The following NOL4 variants were observed in gnomAD, a reference collection of about 807,000 sequenced individuals.
NOL4 encodes nucleolar protein 4.
NOL4 carries 17 observed loss-of-function variants against 75.9 expected under a neutral mutation model. The ratio of observed to expected loss-of-function variants is 0.22; its 90% CI spans 0.15 to 0.34. NOL4 has a LOEUF of 0.34. NOL4 is among the 10% of genes least tolerant of loss of function. NOL4 has a pLI of 1.00. For synonymous variants in NOL4, 292 were observed against 289.9 expected, an observed-to-expected ratio of 1.01 and a Z score of -0.07; for missense variants, 614 against 793.5, an observed-to-expected ratio of 0.77 and a Z score of 2.72.
intron 6 of NOL4, among the ~76,000 whole-genome samples, chr18:34,017,511 A>G (rs943460723): frequency 6.6e-6 from 1 of 152,112 alleles, no homozygotes; most frequent in Non-Finnish European, 1.5e-5. Flanking sequence ...AGATGATATG[A>G]TATTATTAGC....
intron 5 of NOL4, among the ~76,000 whole-genome samples, chr18:34,036,617 G>A (rs753719123): frequency 1.2e-4 from 19 of 152,068 alleles, no homozygotes; most frequent in Admixed American, 3.3e-4. Flanking sequence ...AGGCAATGAG[G>A]CAATAGCAAT....
chr18:33,936,490 C>T (rs1404781838), intron 9 of NOL4, among the ~76,000 whole-genome samples: 1 of 150,440 alleles, frequency 6.6e-6, no homozygotes, highest in East Asian at 2.0e-4. Context: ...TTTATTACAC[C>T]ACAGGTAAGT....
chr18:34,076,934 A>T (rs1208656312), intron 5 of NOL4, among the ~76,000 whole-genome samples: 1 of 152,188 alleles, frequency 6.6e-6, no homozygotes, highest in Non-Finnish European at 1.5e-5. Flanking sequence ...TGATCTGCAC[A>T]CACATCTACA....
chr18:33,900,072 G>A (rs778867050), intron 9 of NOL4, among the ~76,000 whole-genome samples: 2 of 152,084 alleles, frequency 1.3e-5, no homozygotes, highest in African/African-American at 2.4e-5. Context: ...ATAAAGAAAT[G>A]CCTAAGTCTG....
At chr18:34,093,328 C>A in intron 5 of NOL4, 137 bp downstream of exon 5, 5 of 830,658 alleles carry the variant, frequency 6.0e-6, no homozygotes, top group Non-Finnish European at 9.1e-6. Flanking sequence ...AACCTAAATA[C>A]ATAGAGAAAA....
chr18:34,146,536 A>G (rs141566611), intron 1 of NOL4, among the ~76,000 whole-genome samples: 5,212 of 152,208 alleles, frequency 0.034, 93 homozygotes, highest in Middle Eastern at 0.048. Context: ...AGATGGTTGT[A>G]GATGCGTGGC....
At chr18:34,152,516 T>C (rs2081692078) in intron 1 of NOL4, among the ~76,000 whole-genome samples, 1 of 151,944 alleles carries the variant, frequency 6.6e-6, no homozygotes, top group Admixed American at 6.6e-5. Context: ...GATAATTTTG[T>C]TTGCAAAAAT....
rs1388667078 is a variant in NOL4, at chr18:34,222,212, C to T, written c.264+778G>A. 4.2e-6 allele frequency: 6 copies of T among 1,432,140 alleles called. No homozygotes were observed. The East Asian group carries it at 1.6e-4, about 39-fold the overall frequency. The allele number at this position is 1,432,140 out of a possible 1,614,324, so 88.7% of individuals were successfully genotyped here. On this transcript the variant is annotated intron_variant, in intron 1 of 10. Transcript: ENST00000261592. ...GGCGCCTGGGCTAGAGCTTTGTGGC[C>T]ATGAGACTAGAGCCACCCCAGAAAA...
At chr18:33,975,500 G>A (rs1462451305) in intron 6 of NOL4, among the ~76,000 whole-genome samples, 6 of 152,210 alleles carry the variant, frequency 3.9e-5, no homozygotes, top group African/African-American at 1.2e-4. Flanking sequence ...AAGGCCGGGT[G>A]CAGTGGCTCA....
intron 1 of NOL4, among the ~76,000 whole-genome samples, chr18:34,214,110 G>A (rs1600898980): frequency 6.6e-6 from 1 of 152,114 alleles, no homozygotes; most frequent in East Asian, 1.9e-4. Context: ...ATGACAGAAA[G>A]TATTTTAGCT....
In NOL4 at chr18:34,023,594, T is replaced by C. The variant is rs932404000; in HGVS notation, c.773-3993A>G. 12 of 392,402 alleles carry C rather than the reference T, an allele frequency of 3.1e-5. No individual in the cohort carries two copies. The Admixed American group carries it at 3.1e-4, about 10-fold the overall frequency. 24.3% of individuals were successfully genotyped at this position (392,402 alleles called of 1,614,324 possible). A position where few individuals can be genotyped will look rare whatever the true frequency, so the allele number is the denominator to read the frequency against. On this transcript the variant is annotated intron_variant, in intron 5 of 10. Coordinates refer to ENST00000261592, the MANE Select transcript of NOL4 (RefSeq NM_003787.5). The stretch of plus-strand genomic sequence containing the variant: ...TAGCATTTGAACCAAAGACTCTGTA[T>C]ATGAGTCCCAAGGAAAACAGCACCT...
intron 5 of NOL4, among the ~76,000 whole-genome samples, chr18:34,027,020 T>C (rs143812196): frequency 1.3e-5 from 2 of 152,290 alleles, no homozygotes; most frequent in Admixed American, 6.5e-5. Context: ...GAATTAATTT[T>C]AGATTTATGA....
chr18:34,204,629 C>T (rs974134299), intron 1 of NOL4, among the ~76,000 whole-genome samples: 7 of 151,964 alleles, frequency 4.6e-5, no homozygotes, highest in Non-Finnish European at 1.0e-4. Flanking sequence ...GTGCCATGGG[C>T]ACAAGCCTCC....
chr18:33,931,956 G>A (rs1000761995), intron 9 of NOL4, among the ~76,000 whole-genome samples: 4 of 151,868 alleles, frequency 2.6e-5, no homozygotes, highest in South Asian at 4.1e-4. Flanking sequence ...ACTATGCTTT[G>A]TTTAGAAGTT....
intron 2 of NOL4, among the ~76,000 whole-genome samples, chr18:34,114,986 T>C (rs1454260130): frequency 6.6e-6 from 1 of 152,202 alleles, no homozygotes; most frequent in African/African-American, 2.4e-5. Flanking sequence ...TTGTTATTAT[T>C]TTTTAACCTT....
chr18:33,953,565 A>G (rs1273887531), intron 8 of NOL4, among the ~76,000 whole-genome samples: 1 of 152,222 alleles, frequency 6.6e-6, no homozygotes, highest in East Asian at 1.9e-4. Flanking sequence ...TACAAGACAC[A>G]AAAATAGTCA....
At chr18:33,908,839 T>G (rs957055152) in intron 9 of NOL4, among the ~76,000 whole-genome samples, 35 of 152,102 alleles carry the variant, frequency 2.3e-4, no homozygotes, top group African/African-American at 7.7e-4. Context: ...TATGTGTGGG[T>G]GTTATATGGT....
intron 10 of NOL4, among the ~76,000 whole-genome samples, chr18:33,860,279 T>G (rs1464615613): frequency 6.6e-6 from 1 of 152,092 alleles, no homozygotes; most frequent in African/African-American, 2.4e-5. Context: ...CAAACCATAT[T>G]CTGCCCCTAC....
chr18:34,137,439 G>A (rs2080938691), intron 1 of NOL4, among the ~76,000 whole-genome samples: 1 of 151,894 alleles, frequency 6.6e-6, no homozygotes, highest in Non-Finnish European at 1.5e-5. Context: ...CTCAGTAATA[G>A]AAAGTCAAAT....
Sources: gnomAD v4.1 joint callset for allele counts (sites outside exome capture counted in the v4.1 genomes callset) on GRCh38, gnomAD v4.1.1 for gene constraint, MANE v1.5 for transcripts, NCBI Gene and HGNC (gene_info 2026-07-23, HGNC 2026-07-21) for gene names.